UTP25: variants seen among roughly 807,000 people sequenced by gnomAD.
The protein encoded by UTP25 is U3 small nucleolar RNA-associated protein 25 homolog.
In UTP25, 50 loss-of-function variants were observed where a neutral mutation model predicts 78.9. The observed-to-expected ratio is 0.63, with a 90% CI of 0.50 to 0.80. UTP25 has a LOEUF of 0.80. UTP25 is among the 30% of genes least tolerant of loss of function. UTP25 has a pLI of 0.00. For synonymous variants in UTP25, 329 were observed against 336.5 expected, an observed-to-expected ratio of 0.98 and a Z score of 0.24; for missense variants, 846 against 911.3, an observed-to-expected ratio of 0.93 and a Z score of 0.92.
In UTP25 at chr1:209,856,915, T is replaced by C. The variant is rs184577607; in HGVS notation, c.*5468T>C. 13 of 152,356 alleles carry C rather than the reference T, an allele frequency of 8.5e-5. No homozygotes were observed. The highest frequency in any genetic ancestry group is 7.2e-4 in the Admixed American group (11 of 15,300). 9.4% of individuals were successfully genotyped at this position (152,356 alleles called of 1,614,324 possible). A position where few individuals can be genotyped will look rare whatever the true frequency, so the allele number is the denominator to read the frequency against. On this transcript the variant is annotated 3_prime_UTR_variant, in exon 12 of 12. Coordinates refer to ENST00000491415, the MANE Select transcript of UTP25 (RefSeq NM_014388.7). ...ACAGTGATCGTTGCAGAAAAATAATTAGCAAGAGAACAGACTTCAGCTCTC... is the reference window on the plus strand; with the variant it reads ...ACAGTGATCGTTGCAGAAAAATAATCAGCAAGAGAACAGACTTCAGCTCTC...
chr1:209,847,384 C>T (rs1030573807), intron 11 of UTP25, among the ~76,000 whole-genome samples: 2 of 152,178 alleles, frequency 1.3e-5, no homozygotes, highest in Non-Finnish European at 2.9e-5. Flanking sequence ...CTCTCTATCC[C>T]CACTCACATC....
intron 8 of UTP25, 49 bp from the exon 9 acceptor site, chr1:209,842,216 T>C: frequency 1.3e-6 from 2 of 1,487,340 alleles, no homozygotes; most frequent in South Asian, 1.2e-5. Flanking sequence ...ATGTCCAACA[T>C]GTAAATGCTC....
In UTP25 at chr1:209,851,461, A is replaced by G; in HGVS notation, c.*14A>G. 1.3e-6 allele frequency: 2 copies of G among 1,595,658 alleles called. No individual in the cohort carries two copies. The highest frequency in any genetic ancestry group is 1.3e-5 in the African/African-American group (1 of 74,418). Reference sequence around the variant, plus strand: ...GGAGAAAAATGAAATTTTGTTGGGCAGGAAGTGGTATTTGGCATGATACAT... The same window carrying G: ...GGAGAAAAATGAAATTTTGTTGGGCGGGAAGTGGTATTTGGCATGATACAT... On this transcript the variant is annotated 3_prime_UTR_variant, in exon 12 of 12. Transcript: ENST00000491415.
intron 11 of UTP25, among the ~76,000 whole-genome samples, chr1:209,848,323 T>G (rs2078209858): frequency 6.6e-6 from 1 of 152,220 alleles, no homozygotes; most frequent in Admixed American, 6.5e-5. Context: ...TGTCTCATTC[T>G]TGGTGATGCC....
chr1:209,835,255 T>C (rs2078126777), intron 5 of UTP25, 92 bp downstream of exon 5: 1 of 1,065,432 alleles, frequency 9.4e-7, no homozygotes, highest in Non-Finnish European at 1.4e-6. Flanking sequence ...GAATGTATGA[T>C]ATACACCTGC....
chr1:209,841,092 C>A, intron 8 of UTP25, 37 bp downstream of exon 8: 1 of 1,607,768 alleles, frequency 6.2e-7, no homozygotes, highest in South Asian at 1.1e-5. Context: ...GGACAGTATT[C>A]ATATTTAGAG....
At chr1:209,830,500 T>TA (rs5780540) in intron 2 of UTP25, among the ~76,000 whole-genome samples, 82,348 of 140,994 alleles carry the variant, frequency 0.58, 23,705 homozygotes, top group Middle Eastern at 0.63. Context: ...TACAACAAAC[T>TA]AAAAAAAAAA....
intron 6 of UTP25, among the ~76,000 whole-genome samples, chr1:209,838,147 T>G (rs2078144741): frequency 6.6e-6 from 1 of 152,332 alleles, no homozygotes; most frequent in East Asian, 1.9e-4. Context: ...TTGTTTCCAT[T>G]TAGAATTACA....
chr1:209,833,661 GAA>G (rs1388713015), intron 4 of UTP25, among the ~76,000 whole-genome samples: 1 of 151,932 alleles, frequency 6.6e-6, no homozygotes, highest in African/African-American at 2.4e-5. Flanking sequence ...GAAAGAGAAA[GAA>G]AAAGAGGAAA....
At position 209,853,826 on chromosome 1, in the gene UTP25, CATTTT is replaced by C. The variant is rs1179459632; in HGVS notation, c.*2383_*2387del. The C allele has an allele frequency of 3.3e-5, 5 of 152,212 alleles. No individual in the cohort carries two copies. The highest frequency in any genetic ancestry group is 1.2e-4 in the African/African-American group (5 of 41,458). The allele number at this position is 152,212 out of a possible 1,614,324, so 9.4% of individuals were successfully genotyped here. ...TCCATGATGTAGCCCCAGAAATAACCATTTTATTAAGCACCCCTAGTGATTTTCAT... is the reference window on the plus strand; with the variant it reads ...TCCATGATGTAGCCCCAGAAATAACCATTAAGCACCCCTAGTGATTTTCAT... On this transcript the variant is annotated 3_prime_UTR_variant, in exon 12 of 12. Coordinates refer to ENST00000491415, the MANE Select transcript of UTP25 (RefSeq NM_014388.7).
At chr1:209,830,290 A>G in intron 2 of UTP25, 143 bp downstream of exon 2, 2 of 732,144 alleles carry the variant, frequency 2.7e-6, no homozygotes. Flanking sequence ...TTAATTTTAA[A>G]TGCAGATGTC....
At position 209,856,885 on chromosome 1, in the gene UTP25, T is replaced by C. The variant is rs893451435; in HGVS notation, c.*5438T>C. ...CACAAGTGTCTTCTCATAAGATTTA[T>C]AGAAACAGTGATCGTTGCAGAAAAA... On this transcript the variant is annotated 3_prime_UTR_variant, in exon 12 of 12. Transcript: ENST00000491415. 1.3e-5 allele frequency: 2 copies of C among 152,232 alleles called. No homozygotes were observed. The highest frequency in any genetic ancestry group is 4.8e-5 in the African/African-American group (2 of 41,456). The allele number at this position is 152,232 out of a possible 1,614,324, so 9.4% of individuals were successfully genotyped here.
At chr1:209,839,162 T>C (rs199508028) in intron 7 of UTP25, 34 bp downstream of exon 7, 49 of 1,555,306 alleles carry the variant, frequency 3.2e-5, no homozygotes, top group Non-Finnish European at 4.0e-5. Context: ...AGACCTAAAG[T>C]GTGAAGGTCT....
intron 11 of UTP25, among the ~76,000 whole-genome samples, chr1:209,850,872 G>GC (rs1324058621): frequency 6.6e-6 from 1 of 152,160 alleles, no homozygotes; most frequent in Non-Finnish European, 1.5e-5. Flanking sequence ...TTAAGTGCCT[G>GC]CTTTTTAAGT....
intron 3 of UTP25, among the ~76,000 whole-genome samples, chr1:209,831,491 A>T (rs1316825919): frequency 6.6e-6 from 1 of 152,238 alleles, no homozygotes; most frequent in Non-Finnish European, 1.5e-5. Flanking sequence ...GTGGTTGAAC[A>T]CTGCCAGTGT....
intron 9 of UTP25, 35 bp from the exon 10 acceptor site, chr1:209,842,548 G>A (rs1209773047): frequency 6.2e-7 from 1 of 1,610,984 alleles, no homozygotes; most frequent in Non-Finnish European, 8.5e-7. Flanking sequence ...GAAGGGGATG[G>A]CTGTCCACCT....
chr1:209,830,246 T>C, intron 2 of UTP25, 99 bp downstream of exon 2: 1 of 1,090,730 alleles, frequency 9.2e-7, no homozygotes, highest in East Asian at 2.5e-5. Context: ...TTCCTTTTGA[T>C]TTCAGATGCA....
chr1:209,845,884 T>C (rs1479961782), intron 11 of UTP25, among the ~76,000 whole-genome samples: 1 of 150,940 alleles, frequency 6.6e-6, no homozygotes, highest in African/African-American at 2.4e-5. Context: ...TTTAAGACAG[T>C]CTCACTTTGT....
rs141369764 is a variant in UTP25 at position 209,828,107 on chromosome 1, C to T, written c.44C>T (p.Thr15Ile). Reference sequence around the variant, plus strand: ...CGGAGCCAGAGCCAGCTACTCAACACCCTAACTAAAAAGCAGAAGAAACAT... The same window carrying T: ...CGGAGCCAGAGCCAGCTACTCAACATCCTAACTAAAAAGCAGAAGAAACAT... ...GSRSQSQLLN[T>I]LTKKQKKHLR... The change falls in exon 1 of 12, where the codon ACC (threonine) becomes ATC (isoleucine). Residue 15 changes from threonine to isoleucine, a missense_variant. Coordinates refer to ENST00000491415, the MANE Select transcript of UTP25 (RefSeq NM_014388.7). 2.5e-5 allele frequency: 40 copies of T among 1,614,050 alleles called. No homozygotes were observed. The African/African-American group carries it at 5.3e-4, about 22-fold the overall frequency.
Sources: gnomAD v4.1 joint callset for allele counts (sites outside exome capture counted in the v4.1 genomes callset) on GRCh38, gnomAD v4.1.1 for gene constraint, MANE v1.5 for transcripts, NCBI Gene and HGNC (gene_info 2026-07-23, HGNC 2026-07-21) for gene names.